The following GBF1 variants were observed in gnomAD, a reference collection of about 807,000 sequenced individuals.
GBF1 encodes the protein Golgi-specific brefeldin A-resistance guanine nucleotide exchange factor 1.
A neutral mutation model predicts 210.5 loss-of-function variants in GBF1; 114 were observed. The ratio of observed to expected loss-of-function variants is 0.54; its 90% confidence interval spans 0.47 to 0.63. The LOEUF (loss-of-function observed/expected upper bound fraction) is 0.63. Ranked by LOEUF, GBF1 falls within the 30% of genes least tolerant of loss-of-function variation. The probability of loss-of-function intolerance (pLI) is 0.00; values close to 1 mark genes in which losing one functional copy is unlikely to be tolerated. For synonymous variants in GBF1, 850 were observed against 889.2 expected, an observed-to-expected ratio of 0.96 and a Z score of 0.78; for missense variants, 1,851 against 2,357.7, an observed-to-expected ratio of 0.79 and a Z score of 4.45.
chr10:102,306,866 C>T (rs551724283), intron 3 of GBF1, among the ~76,000 whole-genome samples: 6 of 152,348 alleles, frequency 3.9e-5, no homozygotes, highest in Admixed American at 2.0e-4. Context: ...TGTTATCAGT[C>T]ACTGACCTGT....
chr10:102,365,175 T>C (rs539603257), intron 17 of GBF1, among the ~76,000 whole-genome samples: 1 of 152,272 alleles, frequency 6.6e-6, no homozygotes, highest in East Asian at 1.9e-4. Context: ...TCTTGAGCAC[T>C]CAGGAAAGGA....
In GBF1 at chr10:102,280,499, G is replaced by A. The variant is rs557242399; in HGVS notation, c.163+20383G>A. ...GGGTAGGAAGAGGCTATTAAGTGAT[G>A]TTTTTTGGCTTGCTAGCATTAACAG... On this transcript the variant is annotated intron_variant, in intron 3 of 39. Transcript: ENST00000369983. Among the ~76,000 whole-genome samples, 9 of 152,258 alleles carry A rather than the reference G, an allele frequency of 5.9e-5. No individual in the cohort carries two copies. The East Asian group carries it at 1.5e-3, about 26-fold the overall frequency.
intron 3 of GBF1, among the ~76,000 whole-genome samples, chr10:102,320,859 A>G (rs933956942): frequency 3.3e-5 from 5 of 150,720 alleles, no homozygotes; most frequent in Non-Finnish European, 7.4e-5. Context: ...GCAGTCTCGG[A>G]GTCTCGGCTC....
chr10:102,280,777 C>T (rs1475577972), intron 3 of GBF1, among the ~76,000 whole-genome samples: 1 of 152,176 alleles, frequency 6.6e-6, no homozygotes, highest in African/African-American at 2.4e-5. Flanking sequence ...CCTCTGAGTG[C>T]TCCAGTTGAG....
At chr10:102,307,198 A>G (rs911546648) in intron 3 of GBF1, among the ~76,000 whole-genome samples, 1 of 152,006 alleles carries the variant, frequency 6.6e-6, no homozygotes, top group South Asian at 2.1e-4. Flanking sequence ...TTCCTGTTAT[A>G]GTGGGAGGAT....
chr10:102,236,310 T>C, the GBF1 span, among the ~76,000 whole-genome samples: 1 of 152,106 alleles, frequency 6.6e-6, no homozygotes, highest in Non-Finnish European at 1.5e-5. Context: ...GCAGGATTGG[T>C]TGATGCTAGT....
the GBF1 span, among the ~76,000 whole-genome samples, chr10:102,236,406 C>T: frequency 1.3e-5 from 2 of 152,232 alleles, no homozygotes; most frequent in African/African-American, 4.8e-5. Flanking sequence ...CGGCCCCACC[C>T]CTAGACTTTT....
intron 3 of GBF1, among the ~76,000 whole-genome samples, chr10:102,281,989 C>T (rs1410144934): frequency 8.0e-5 from 12 of 149,310 alleles, no homozygotes; most frequent in Admixed American, 2.7e-4. Context: ...TGCAGTGGCG[C>T]GATCTTGGCT....
At chr10:102,269,629 CAAGTA>C (rs1019214388) in intron 3 of GBF1, among the ~76,000 whole-genome samples, 3 of 151,774 alleles carry the variant, frequency 2.0e-5, no homozygotes, top group African/African-American at 7.3e-5. Flanking sequence ...TTTTTGTTTT[CAAGTA>C]AAGTGAGTTA....
intron 29 of GBF1, among the ~76,000 whole-genome samples, chr10:102,372,367 T>C (rs1589816125): frequency 6.7e-6 from 1 of 148,820 alleles, no homozygotes; most frequent in South Asian, 2.1e-4. Context: ...AATACAGAAT[T>C]AGCCAGGCAT....
In GBF1 at chr10:102,351,393, G is replaced by A. The variant is rs772377985; in HGVS notation, c.414+19G>A. ...CCTTCAGGTAAGCGAGAGGGAAATA[G>A]CAATTAGGCTAATGGCCAGGGGCTG... On this transcript the variant is annotated intron_variant, in intron 5 of 39. Coordinates refer to ENST00000369983, the MANE Select transcript of GBF1 (RefSeq NM_001377137.1). 1.6e-6 allele frequency: 2 copies of A among 1,288,614 alleles called. No homozygotes were observed. The highest frequency in any genetic ancestry group is 2.4e-5 in the South Asian group (2 of 84,522). 79.8% of individuals were successfully genotyped at this position (1,288,614 alleles called of 1,614,324 possible). A position where few individuals can be genotyped will look rare whatever the true frequency, so the allele number is the denominator to read the frequency against.
chr10:102,287,349 T>C (rs1177514028), intron 3 of GBF1, among the ~76,000 whole-genome samples: 3 of 66,892 alleles, frequency 4.5e-5, no homozygotes, highest in Non-Finnish European at 1.2e-4. Flanking sequence ...ATTTTCTTTT[T>C]TTTTTTTTTT....
rs770611849 is a variant in GBF1, at chr10:102,324,800, C to G, written c.164-19251C>G. On this transcript the variant is annotated intron_variant, in intron 3 of 39. Coordinates refer to ENST00000369983, the MANE Select transcript of GBF1 (RefSeq NM_001377137.1). ...ACAGGGTTTCACCATGTTGGCCAGGCTGATCTCAAACTCTTGACCTCAAGT... is the reference window on the plus strand; with the variant it reads ...ACAGGGTTTCACCATGTTGGCCAGGGTGATCTCAAACTCTTGACCTCAAGT... 4.6e-5 allele frequency among the ~76,000 whole-genome samples: 7 copies of G among 152,130 alleles called. No individual in the cohort carries two copies. In the South Asian group the frequency reaches 1.0e-3, roughly 23 times the overall value.
chr10:102,358,053 C>G lies in GBF1; in HGVS notation c.654C>G (p.Ala218=). 1 of 1,606,066 alleles carries G rather than the reference C, an allele frequency of 6.2e-7. No homozygotes were observed. The change falls in exon 9 of 40, where the codon GCC becomes GCG. Residue 218 remains alanine (A), a synonymous_variant. Transcript: ENST00000369983. ...GTNMKKLKMR[A]GGMSDSSKWK... ...GATATTTCCAGCTGAAAATGAGAGCCGGAGGCATGAGTGATTCATCCAAAT... is the reference window on the plus strand; with the variant it reads ...GATATTTCCAGCTGAAAATGAGAGCGGGAGGCATGAGTGATTCATCCAAAT...
chr10:102,336,481 A>T (rs1234458104), intron 3 of GBF1, among the ~76,000 whole-genome samples: 1 of 152,148 alleles, frequency 6.6e-6, no homozygotes, highest in African/African-American at 2.4e-5. Context: ...TAGTGTGTAA[A>T]TTGCTTAATA....
intron 3 of GBF1, among the ~76,000 whole-genome samples, chr10:102,265,502 A>AT (rs1302078270): frequency 6.6e-6 from 1 of 152,132 alleles, no homozygotes; most frequent in Non-Finnish European, 1.5e-5. Flanking sequence ...ACATACCAAG[A>AT]TTCCCCCCAT....
rs754650524 is a variant in GBF1 at position 102,352,475 on chromosome 10, G to A, written c.541G>A (p.Ala181Thr). 9.3e-6 allele frequency: 15 copies of A among 1,610,740 alleles called. No individual in the cohort carries two copies. Among genetic ancestry groups the A allele is most frequent in the Middle Eastern group, 1.7e-4 (1 of 6,060 alleles). Residue 181 changes from alanine to threonine, a missense_variant, in exon 7 of 40, where the codon GCA becomes ACA. By Grantham distance (58) the Ala-to-Thr change is moderately conservative (BLOSUM62 0). Around this residue, in one of 3 missense-constraint regions of GBF1, gnomAD observed 804 missense variants for 958.6 expected, o/e 0.84. Coordinates refer to ENST00000369983, the MANE Select transcript of GBF1 (RefSeq NM_001377137.1). ...CTGTGCAGAGTTATTGAGAAAATCC[G>A]CAGAGCACACTCTCGTAGACATGGT... ...MRLSELLRKS[A>T]EHTLVDMVQL...
At chr10:102,324,142 A>G (rs1374059553) in intron 3 of GBF1, among the ~76,000 whole-genome samples, 4 of 152,132 alleles carry the variant, frequency 2.6e-5, no homozygotes, top group South Asian at 4.1e-4. Context: ...CCAAGCAAAG[A>G]TGTATATATA....
At chr10:102,369,190 T>C (rs757414739) in intron 23 of GBF1, 21 bp from the exon 24 acceptor site, 8 of 1,585,022 alleles carry the variant, frequency 5.0e-6, no homozygotes, top group Non-Finnish European at 6.9e-6. Context: ...GCCTTAAGTC[T>C]GTTCTCTTCC....
Sources: gnomAD v4.1 joint callset for allele counts (sites outside exome capture counted in the v4.1 genomes callset) on GRCh38, gnomAD v4.1.1 for gene constraint, gnomAD v4.1.1 regional missense constraint, MANE v1.5 for transcripts, NCBI Gene and HGNC (gene_info 2026-07-23, HGNC 2026-07-21) for gene names.